RBBP8: variants seen among roughly 807,000 people sequenced by gnomAD.
RBBP8 encodes RB binding protein 8, endonuclease, also known as DNA endonuclease RBBP8.
RBBP8 carries 88 observed loss-of-function variants against 108.3 expected under a neutral mutation model. That is an observed-to-expected ratio of 0.81 (90% CI 0.68 to 0.97). The LOEUF (loss-of-function observed/expected upper bound fraction) is 0.97. Among genes scored for constraint, RBBP8 ranks in the 50% least tolerant of loss-of-function variants. The pLI is 0.00. For synonymous variants in RBBP8, 332 were observed against 348.2 expected, an observed-to-expected ratio of 0.95 and a Z score of 0.52; for missense variants, 1,023 against 1,049.0, an observed-to-expected ratio of 0.98 and a Z score of 0.34.
chr18:22,946,421 T>C, intron 2 of RBBP8, 23 bp from the exon 3 acceptor site: 1 of 1,611,258 alleles, frequency 6.2e-7, no homozygotes, highest in Non-Finnish European at 8.5e-7. Context: ...GTAGAAGTAA[T>C]ACCTTTTCTT....
chr18:22,990,850 A>C, intron 9 of RBBP8, 87 bp from the exon 10 acceptor site: 2 of 978,094 alleles, frequency 2.0e-6, no homozygotes, highest in South Asian at 1.4e-5. Context: ...AGGTTCATCT[A>C]CATCATAACA....
chr18:22,964,452 T>C (rs1283455192), intron 4 of RBBP8, among the ~76,000 whole-genome samples: 1 of 149,874 alleles, frequency 6.7e-6, no homozygotes, highest in Non-Finnish European at 1.5e-5. Context: ...CCACACTGCC[T>C]CAAATCCCCT....
chr18:22,946,522 T>C (rs200339890), intron 3 of RBBP8, 36 bp downstream of exon 3: 2 of 1,609,714 alleles, frequency 1.2e-6, no homozygotes, highest in South Asian at 2.2e-5. Flanking sequence ...GTGTTATTTA[T>C]AGAGTAGTTG....
At chr18:23,005,636 C>T (rs2046029655) in intron 15 of RBBP8, among the ~76,000 whole-genome samples, 1 of 152,020 alleles carries the variant, frequency 6.6e-6, no homozygotes, top group African/African-American at 2.4e-5. Context: ...TGATCTCAAA[C>T]TCCTGACCTC....
intron 15 of RBBP8, chr18:23,004,827 C>T (rs2046011730): frequency 6.6e-6 from 1 of 152,212 alleles, no homozygotes; most frequent in Admixed American, 6.6e-5. Flanking sequence ...TTGCCCCTGC[C>T]CTCCAGCCTG....
chr18:22,979,317 T>TTATTTATAAAAAA (rs1914724647), intron 6 of RBBP8, among the ~76,000 whole-genome samples: 1 of 152,052 alleles, frequency 6.6e-6, no homozygotes, highest in African/African-American at 2.4e-5. Context: ...ATTTTATGTT[T>TTATTTATAAAAAA]ATGTTTATTT....
chr18:22,992,407 G>GCTGGCCTCGAACTT, intron 10 of RBBP8, among the ~76,000 whole-genome samples: 1 of 152,160 alleles, frequency 6.6e-6, no homozygotes. Context: ...TGTTAGCCAG[G>GCTGGCCTCGAACTT]CTGGCCTCGA....
chr18:23,012,500 C>A (rs2046185404), intron 16 of RBBP8, among the ~76,000 whole-genome samples: 1 of 152,236 alleles, frequency 6.6e-6, no homozygotes, highest in East Asian at 1.9e-4. Flanking sequence ...TTTCAGTGGT[C>A]TAGATTGAAG....
At chr18:22,954,351 CA>C (rs1298774462) in intron 4 of RBBP8, among the ~76,000 whole-genome samples, 2 of 152,192 alleles carry the variant, frequency 1.3e-5, no homozygotes, top group Non-Finnish European at 2.9e-5. Flanking sequence ...ACACCCATTC[CA>C]AATGGGAGAA....
intron 2 of RBBP8, among the ~76,000 whole-genome samples, chr18:22,940,124 G>A (rs1910946189): frequency 6.6e-6 from 1 of 151,988 alleles, no homozygotes; most frequent in South Asian, 2.1e-4. Flanking sequence ...GTGCTATGCT[G>A]AAGAGATTGT....
At chr18:22,926,664 C>G (rs1163410253) in intron 3 of RBBP8, among the ~76,000 whole-genome samples, 1 of 152,092 alleles carries the variant, frequency 6.6e-6, no homozygotes, top group East Asian at 1.9e-4. Flanking sequence ...AAAACTATTT[C>G]AACAGATTAA....
intron 17 of RBBP8, among the ~76,000 whole-genome samples, chr18:23,019,219 G>C (rs2046309464): frequency 6.6e-6 from 1 of 152,112 alleles, no homozygotes; most frequent in South Asian, 2.1e-4. Context: ...CTATGATCTA[G>C]AATTAATCCT....
intron 10 of RBBP8, 75 bp downstream of exon 10, chr18:22,991,124 G>A: frequency 9.7e-7 from 1 of 1,034,824 alleles, no homozygotes; most frequent in Non-Finnish European, 1.5e-6. Context: ...ATATAATTAA[G>A]CCATTTCTCT....
chr18:23,009,756 T>C (rs2046123698), intron 16 of RBBP8, among the ~76,000 whole-genome samples: 1 of 152,144 alleles, frequency 6.6e-6, no homozygotes, highest in Admixed American at 6.5e-5. Context: ...GAATATTATA[T>C]ATACTTTGCT....
intron 6 of RBBP8, among the ~76,000 whole-genome samples, chr18:22,977,096 A>T (rs1312141017): frequency 2.6e-5 from 4 of 152,046 alleles, no homozygotes; most frequent in African/African-American, 7.2e-5. Flanking sequence ...AGATGATCTG[A>T]TTGTGTCTTT....
chr18:22,936,631 ATGAT>A, intron 1 of RBBP8, 119 bp from the exon 2 acceptor site: 1 of 528,176 alleles, frequency 1.9e-6, no homozygotes, highest in Non-Finnish European at 3.4e-6. Context: ...AATTCTAAAA[ATGAT>A]TGATTATAGG....
At chr18:22,960,018 A>G (rs562776416) in intron 4 of RBBP8, among the ~76,000 whole-genome samples, 1 of 151,672 alleles carries the variant, frequency 6.6e-6, no homozygotes, top group South Asian at 2.1e-4. Flanking sequence ...CAGCCTCCCG[A>G]GTAGCTGGGA....
At chr18:22,917,954 C>T (rs1466569353) in intron 3 of RBBP8, among the ~76,000 whole-genome samples, 4 of 148,120 alleles carry the variant, frequency 2.7e-5, no homozygotes, top group Non-Finnish European at 4.5e-5. Flanking sequence ...GCCAAGATCG[C>T]GCCACTGCAC....
At chr18:22,937,492 T>A (rs908177249) in intron 2 of RBBP8, among the ~76,000 whole-genome samples, 4 of 151,792 alleles carry the variant, frequency 2.6e-5, no homozygotes, top group Non-Finnish European at 4.4e-5. Context: ...TATCTTTTTT[T>A]TTTTTTTATT....
Sources: allele counts gnomAD v4.1 joint callset (sites outside exome capture counted in the v4.1 genomes callset), GRCh38; gene constraint gnomAD v4.1.1; transcripts MANE v1.5; gene names NCBI Gene and HGNC (gene_info 2026-07-23, HGNC 2026-07-21).